Variants in FGD1 observed in about 807,000 individuals in gnomAD.
The protein encoded by FGD1 is FYVE, RhoGEF and PH domain containing 1.
In FGD1, 12 loss-of-function variants were observed where a neutral mutation model predicts 65.0. That is an observed-to-expected ratio of 0.18 (90% CI 0.12 to 0.30). FGD1 has a LOEUF of 0.30. Ranked by LOEUF, FGD1 falls within the 10% of genes least tolerant of loss-of-function variation. FGD1 has a pLI of 1.00. For synonymous variants in FGD1, 333 were observed against 343.9 expected (o/e 0.97, Z 0.35); for missense variants, 542 against 837.6 (o/e 0.65, Z 4.36).
chrX:54,480,276 G>A (rs1170916702), intron 1 of FGD1, among the ~76,000 whole-genome samples: 2 of 112,530 alleles, frequency 1.8e-5, no homozygotes, highest in Non-Finnish European at 3.8e-5. Flanking sequence ...GGGACATGCT[G>A]TAAAGTGAGG....
At chrX:54,468,330 A>G (rs1036387283) in intron 5 of FGD1, among the ~76,000 whole-genome samples, 1 of 111,420 alleles carries the variant, frequency 9.0e-6, no homozygotes, top group Admixed American at 9.6e-5. Context: ...AGAAAGTTGG[A>G]ATTAGATCTG....
Position 54,472,064 on chromosome X carries a change from G to A in FGD1, c.308-577C>T, listed in dbSNP as rs1417153798. ...AAGCTGAGAAGGGAGGATTGCTTGAGCTCAGGAATTTGAGATGAGTTTGGG... is the reference window on the plus strand; with the variant it reads ...AAGCTGAGAAGGGAGGATTGCTTGAACTCAGGAATTTGAGATGAGTTTGGG... On this transcript the variant is annotated intron_variant, in intron 1 of 17. Transcript: ENST00000375135. Among the ~76,000 whole-genome samples the A allele has an allele frequency of 2.7e-5, 3 of 111,025 alleles. 1 individual carries two copies. In the Admixed American group the frequency reaches 2.9e-4, roughly 11 times the overall value.
intron 5 of FGD1, 23 bp downstream of exon 5, chrX:54,468,764 C>T (rs746442450): frequency 8.8e-6 from 10 of 1,138,925 alleles, no homozygotes; most frequent in Middle Eastern, 2.4e-4. Flanking sequence ...CTGGGGCCCT[C>T]GTACCCCCAA....
intron 1 of FGD1, among the ~76,000 whole-genome samples, chrX:54,478,746 T>C (rs1010049759): frequency 2.8e-5 from 3 of 106,917 alleles, no homozygotes; most frequent in Admixed American, 1.0e-4. Flanking sequence ...TGGGTTAAAT[T>C]TGAAAACCAA....
At chrX:54,455,601 A>G in intron 11 of FGD1, 74 bp from the exon 12 acceptor site, 1 of 1,096,266 alleles carries the variant, frequency 9.1e-7, no homozygotes, top group East Asian at 3.0e-5. Flanking sequence ...ACACATACAC[A>G]CACAGACTCG....
chrX:54,471,531 C>G lies in FGD1; in HGVS notation c.308-44G>C, dbSNP rs368804829. 1.2e-4 allele frequency: 139 copies of G among 1,144,190 alleles called. No individual in the cohort carries two copies. In the African/African-American group the frequency reaches 2.4e-3, roughly 20 times the overall value. 94.3% of individuals were successfully genotyped at this position (1,144,190 alleles called of 1,213,427 possible). A position where few individuals can be genotyped will look rare whatever the true frequency, so the allele number is the denominator to read the frequency against. The stretch of plus-strand genomic sequence containing the variant: ...TGGGTGTGAAGTAACTGACTTTAAC[C>G]CAAAGGGGACTGGGGTTAAAGTTAG... On this transcript the variant is annotated intron_variant, in intron 1 of 17. Coordinates refer to ENST00000375135, the MANE Select transcript of FGD1 (RefSeq NM_004463.3).
intron 8 of FGD1, among the ~76,000 whole-genome samples, chrX:54,458,237 C>G (rs142753556): frequency 0.011 from 1,237 of 111,797 alleles, 17 homozygotes; most frequent in African/African-American, 0.039. Flanking sequence ...AGACCTAGCC[C>G]TTTAGCCTGA....
At position 54,470,250 on chromosome X, in the gene FGD1, G is replaced by A; in HGVS notation, c.867C>T (p.Ser289=). The A allele has an allele frequency of 2.5e-6, 3 of 1,205,248 alleles. No individual in the cohort carries two copies. The highest frequency in any genetic ancestry group is 2.2e-6 in the Non-Finnish European group (2 of 892,112). ...AGGTCTCCTCGCTGTTGGATGGCGA[G>A]CTGATGCTATCAATGCCGCTGTCCC... The part of the protein sequence containing the change: ...PNRDSGIDSI[S]SPSNSEETCF... The change falls in exon 4 of 18, where the codon AGC becomes AGT. Residue 289 remains serine (S), a synonymous_variant. Transcript: ENST00000375135.
chrX:54,448,186 ATT>A (rs746743930), intron 16 of FGD1, among the ~76,000 whole-genome samples: 3 of 102,729 alleles, frequency 2.9e-5, no homozygotes, highest in Non-Finnish European at 4.0e-5. Context: ...CAATTTTTAA[ATT>A]TTTTTTTTTT....
chrX:54,469,470 G>A (rs1251238190), intron 4 of FGD1, among the ~76,000 whole-genome samples: 2 of 112,205 alleles, frequency 1.8e-5, no homozygotes, highest in Non-Finnish European at 3.8e-5. Context: ...ATCAGCAAGG[G>A]CTTGCTGAGT....
chrX:54,474,189 A>C (rs947832515), intron 1 of FGD1, among the ~76,000 whole-genome samples: 1 of 111,708 alleles, frequency 9.0e-6, no homozygotes, highest in African/African-American at 3.3e-5. Context: ...GGTCTTAGCC[A>C]TAGGCCCAGG....
chrX:54,489,398 A>T (rs1923364760), intron 1 of FGD1, among the ~76,000 whole-genome samples: 1 of 111,811 alleles, frequency 8.9e-6, no homozygotes, highest in Admixed American at 9.5e-5. Flanking sequence ...CCTGGCCAAC[A>T]TGGCAAAACC....
At chrX:54,461,600 C>CAAAAAA (rs1165040158) in intron 8 of FGD1, among the ~76,000 whole-genome samples, 44 of 17,488 alleles carry the variant, frequency 2.5e-3, no homozygotes, top group Non-Finnish European at 5.3e-3. Flanking sequence ...GACTCTGTCT[C>CAAAAAA]AAAAAAAAAA....
intron 15 of FGD1, 72 bp downstream of exon 15, chrX:54,449,071 C>T (rs1413741495): frequency 1.7e-6 from 2 of 1,203,379 alleles, no homozygotes; most frequent in Admixed American, 2.2e-5. Flanking sequence ...TGGAGGGTAC[C>T]CACTCTGCAG....
chrX:54,458,401 C>T (rs1922556055), intron 8 of FGD1, among the ~76,000 whole-genome samples: 2 of 110,001 alleles, frequency 1.8e-5, no homozygotes, highest in South Asian at 3.9e-4. Context: ...ATTCGCCAGG[C>T]GTGGTGGCAC....
At chrX:54,467,747 A>G in intron 6 of FGD1, 37 bp downstream of exon 6, 1 of 1,163,095 alleles carries the variant, frequency 8.6e-7, no homozygotes, top group Non-Finnish European at 1.2e-6. Context: ...AGGCAGGTGG[A>G]CAGGGGAGTG....
In FGD1 at chrX:54,469,399, G is replaced by A. The variant is rs72620347; in HGVS notation, c.1102-523C>T. The stretch of plus-strand genomic sequence containing the variant: ...AATTTAATATAAATAAAACACATCA[G>A]ACTACAGATTAAATGGTATATAAAT... On this transcript the variant is annotated intron_variant, in intron 4 of 17. Transcript: ENST00000375135. Among the ~76,000 whole-genome samples the A allele has an allele frequency of 2.7e-5, 3 of 112,323 alleles. No individual in the cohort carries two copies. In the East Asian group the frequency reaches 8.3e-4, roughly 31 times the overall value.
chrX:54,465,971 A>C, intron 6 of FGD1, 119 bp from the exon 7 acceptor site: 5 of 833,703 alleles, frequency 6.0e-6, no homozygotes, highest in Non-Finnish European at 8.7e-6. Context: ...CCTACTTCTC[A>C]GCTAGTCTGC....
chrX:54,485,189 C>T (rs1302434846), intron 1 of FGD1, among the ~76,000 whole-genome samples: 5 of 111,497 alleles, frequency 4.5e-5, no homozygotes, highest in Non-Finnish European at 9.4e-5. Context: ...TTGGTTCTTT[C>T]CCCAGACTCT....
Sources: gnomAD v4.1 joint callset for allele counts (sites outside exome capture counted in the v4.1 genomes callset) on GRCh38, gnomAD v4.1.1 for gene constraint, MANE v1.5 for transcripts, NCBI Gene and HGNC (gene_info 2026-07-23, HGNC 2026-07-21) for gene names.